RARB: variants seen among roughly 807,000 people sequenced by gnomAD.
The protein encoded by RARB is HBV-activated protein.
RARB carries 17 observed loss-of-function variants against 51.9 expected under a neutral mutation model. The observed-to-expected ratio is 0.33, with a 90% CI of 0.22 to 0.49. The LOEUF is 0.49. Ranked by LOEUF, RARB falls within the 20% of genes least tolerant of loss-of-function variation. The pLI is 0.99. For missense variants in RARB, 369 were observed against 550.8 expected (o/e 0.67, Z 3.30); for synonymous variants, 215 against 195.4 (o/e 1.10, Z -0.84).
intron 5 of RARB, among the ~76,000 whole-genome samples, chr3:25,217,230 T>A (rs1207632784): frequency 1.3e-5 from 2 of 152,180 alleles, no homozygotes; most frequent in African/African-American, 4.8e-5. Flanking sequence ...ACAGGATAAA[T>A]GTTTAAGTAT....
intron 3 of RARB, among the ~76,000 whole-genome samples, chr3:25,130,900 A>ATATTATTGATAATATTATCAATATT (rs1699936460): frequency 2.6e-4 from 8 of 30,240 alleles, no homozygotes; most frequent in African/African-American, 7.5e-4. Flanking sequence ...GATAATATCA[A>ATATTATTGATAATATTATCAATATT]TATTATTGAT....
intron 5 of RARB, among the ~76,000 whole-genome samples, chr3:25,317,723 A>C (rs1279396993): frequency 6.6e-6 from 1 of 152,242 alleles, no homozygotes; most frequent in African/African-American, 2.4e-5. Context: ...ATCATTCGAG[A>C]AAATAATTTT....
At position 25,389,380 on chromosome 3, in the gene RARB, C is replaced by T. The variant is rs116723171; in HGVS notation, c.179-71813C>T. Among the ~76,000 whole-genome samples the T allele has an allele frequency of 4.7e-4, 71 of 152,264 alleles. 1 individual carries two copies. The highest frequency in any genetic ancestry group is 1.6e-3 in the African/African-American group (67 of 41,554). On this transcript the variant is annotated intron_variant, in intron 5 of 11. Coordinates refer to the RARB transcript ENST00000383772. ...TGTTTCTTCCCTCATTTTTCCACAG[C>T]ACCATCATTTGAGGGATATCTGTCA...
chr3:25,212,237 C>G (rs1006838902), intron 5 of RARB, among the ~76,000 whole-genome samples: 13 of 152,012 alleles, frequency 8.6e-5, no homozygotes, highest in Non-Finnish European at 1.3e-4. Context: ...TAAATAAGCT[C>G]AATGCATAAA....
At chr3:25,479,128 T>C (rs890114858) in intron 2 of RARB, among the ~76,000 whole-genome samples, 2 of 148,662 alleles carry the variant, frequency 1.3e-5, no homozygotes, top group African/African-American at 5.0e-5. Context: ...TGGGCTGTTT[T>C]AAAAATGTTG....
intron 3 of RARB, among the ~76,000 whole-genome samples, chr3:25,066,255 T>A (rs1268246832): frequency 6.6e-6 from 1 of 152,122 alleles, no homozygotes; most frequent in African/African-American, 2.4e-5. Flanking sequence ...TCATAAGAGG[T>A]TGTTTATTTT....
chr3:25,541,873 G>T (rs1699399033), intron 3 of RARB, among the ~76,000 whole-genome samples: 1 of 152,134 alleles, frequency 6.6e-6, no homozygotes, highest in Non-Finnish European at 1.5e-5. Context: ...TCACCACCAT[G>T]GTACTAGCTG....
intron 5 of RARB, among the ~76,000 whole-genome samples, chr3:25,252,327 T>A (rs1174137626): frequency 6.6e-6 from 1 of 152,194 alleles, no homozygotes; most frequent in African/African-American, 2.4e-5. Flanking sequence ...TTTTGGCTAT[T>A]TGGGGACCTT....
At position 25,086,041 on chromosome 3, in the gene RARB, C is replaced by T. The variant is rs576251306; in HGVS notation, c.-328+25865C>T. 2.0e-5 allele frequency among the ~76,000 whole-genome samples: 3 copies of T among 152,170 alleles called. No individual in the cohort carries two copies. The East Asian group carries it at 5.8e-4, about 29-fold the overall frequency. On this transcript the variant is annotated intron_variant, in intron 3 of 11. Coordinates refer to the RARB transcript ENST00000383772. Reference sequence around the variant, plus strand: ...TTACGGCTTTGCCATTCTCTATATCCCTGATTAGTTAATGTGGTCACTATG... The same window carrying T: ...TTACGGCTTTGCCATTCTCTATATCTCTGATTAGTTAATGTGGTCACTATG...
intron 4 of RARB, among the ~76,000 whole-genome samples, chr3:25,150,673 G>T (rs2125341311): frequency 1.3e-5 from 2 of 152,270 alleles, no homozygotes; most frequent in Non-Finnish European, 2.9e-5. Context: ...TGGTACACTG[G>T]TTGTGTATTC....
chr3:25,030,785 G>A (rs1325298919), intron 2 of RARB, among the ~76,000 whole-genome samples: 1 of 152,156 alleles, frequency 6.6e-6, no homozygotes, highest in Admixed American at 6.5e-5. Context: ...TACCAAATGT[G>A]CCTGTCTGGT....
chr3:24,961,545 T>C (rs989724332), intron 2 of RARB, among the ~76,000 whole-genome samples: 6 of 151,956 alleles, frequency 3.9e-5, no homozygotes, highest in East Asian at 3.9e-4. Flanking sequence ...AATAACTCTT[T>C]ATCTATGGAA....
intron 3 of RARB, among the ~76,000 whole-genome samples, chr3:25,086,973 G>A (rs1392286856): frequency 6.6e-6 from 1 of 152,174 alleles, no homozygotes; most frequent in Non-Finnish European, 1.5e-5. Flanking sequence ...GATCTGGAAA[G>A]GGAAGGGGAT....
intron 3 of RARB, among the ~76,000 whole-genome samples, chr3:25,527,571 G>T (rs1698707320): frequency 6.6e-6 from 1 of 152,162 alleles, no homozygotes; most frequent in Non-Finnish European, 1.5e-5. Context: ...AGCTGACCTT[G>T]GTAGTGTGTT....
rs60292267 is a variant in RARB at position 24,970,574 on chromosome 3, A to AACACACACACACACACAC, written c.-379-89537_-379-89520dup. On this transcript the variant is annotated intron_variant, in intron 2 of 11. Transcript: ENST00000383772. ...TAAATAAATTCCACCAAGTCATGTA[A>AACACACACACACACACAC]ACACACACACACACACACACACACA... Among the ~76,000 whole-genome samples, 654 of 148,866 alleles carry AACACACACACACACACAC rather than the reference A, an allele frequency of 4.4e-3. 3 individuals carry two copies. The highest frequency in any genetic ancestry group is 0.014 in the South Asian group (65 of 4,666).
At chr3:25,175,879 T>C (rs1349263896) in intron 5 of RARB, among the ~76,000 whole-genome samples, 1 of 150,486 alleles carries the variant, frequency 6.6e-6, no homozygotes, top group African/African-American at 2.5e-5. Flanking sequence ...AAGCGGCGTA[T>C]TGACTATCCA....
chr3:25,206,545 G>C (rs1208998183), intron 5 of RARB, among the ~76,000 whole-genome samples: 1 of 152,070 alleles, frequency 6.6e-6, no homozygotes, highest in Non-Finnish European at 1.5e-5. Context: ...AATCTTTTGA[G>C]GTCATTCCCT....
chr3:25,074,965 C>A (rs1037874570), intron 3 of RARB, among the ~76,000 whole-genome samples: 2 of 152,168 alleles, frequency 1.3e-5, no homozygotes, highest in Admixed American at 1.3e-4. Flanking sequence ...TCTATAGTTT[C>A]ATGACATCTC....
intron 2 of RARB, among the ~76,000 whole-genome samples, chr3:25,015,988 A>T (rs1483652309): frequency 6.6e-6 from 1 of 152,210 alleles, no homozygotes; most frequent in African/African-American, 2.4e-5. Flanking sequence ...TTGTACAAAA[A>T]CTTGGAATGT....
Sources: allele counts gnomAD v4.1 joint callset (sites outside exome capture counted in the v4.1 genomes callset), GRCh38; gene constraint gnomAD v4.1.1; transcripts MANE v1.5; gene names NCBI Gene and HGNC (gene_info 2026-07-23, HGNC 2026-07-21).